The following GALNT2 variants were observed in gnomAD, a reference collection of about 807,000 sequenced individuals.
GALNT2 encodes UDP-GalNAc:polypeptide N-acetylgalactosaminyltransferase 2.
In GALNT2, 31 loss-of-function variants were observed where a neutral mutation model predicts 81.4. That is an observed-to-expected ratio of 0.38 (90% CI 0.29 to 0.51). GALNT2 has a LOEUF of 0.51. Among genes scored for constraint, GALNT2 ranks in the 20% least tolerant of loss-of-function variants. The pLI, the probability that GALNT2 is intolerant of heterozygous loss-of-function variation, is 0.87. For missense variants in GALNT2, 629 were observed against 765.7 expected (o/e 0.82, Z 2.11); for synonymous variants, 303 against 287.4 (o/e 1.05, Z -0.55).
At chr1:230,079,507 C>T (rs117628680) in intron 1 of GALNT2, among the ~76,000 whole-genome samples, 2 of 152,248 alleles carry the variant, frequency 1.3e-5, no homozygotes, top group Admixed American at 6.5e-5. Flanking sequence ...GCCTAAAGTA[C>T]GGCTCTGGAG....
intron 1 of GALNT2, among the ~76,000 whole-genome samples, chr1:230,149,466 C>G (rs998192353): frequency 1.3e-5 from 2 of 152,090 alleles, no homozygotes; most frequent in African/African-American, 4.8e-5. Flanking sequence ...TTAGGTCTGG[C>G]GTTGAGGGCA....
chr1:230,273,698 T>G (rs534966251), intron 14 of GALNT2, among the ~76,000 whole-genome samples: 9 of 152,308 alleles, frequency 5.9e-5, no homozygotes, highest in Admixed American at 2.6e-4. Context: ...TGTGTTTGTT[T>G]GTTAACATCA....
At chr1:230,169,710 C>T (rs775939855) in intron 1 of GALNT2, among the ~76,000 whole-genome samples, 8 of 152,186 alleles carry the variant, frequency 5.3e-5, no homozygotes, top group Non-Finnish European at 1.0e-4. Flanking sequence ...TGTTGAGCAG[C>T]CCCACGTTAT....
At chr1:230,237,105 G>A (rs1328269068) in intron 6 of GALNT2, among the ~76,000 whole-genome samples, 1 of 152,234 alleles carries the variant, frequency 6.6e-6, no homozygotes. Context: ...CGGGATTCAA[G>A]TTTGACAGCC....
At chr1:230,235,879 G>A in intron 3 of GALNT2, 135 bp from the exon 4 acceptor site, 1 of 718,738 alleles carries the variant, frequency 1.4e-6, no homozygotes, top group Non-Finnish European at 2.4e-6. Flanking sequence ...GAACAGGCCA[G>A]GAACTTCTGC....
chr1:230,102,823 G>A (rs1464379640), intron 1 of GALNT2, among the ~76,000 whole-genome samples: 3 of 152,184 alleles, frequency 2.0e-5, no homozygotes, highest in Non-Finnish European at 4.4e-5. Flanking sequence ...GGTTGAAGAT[G>A]TCCAGTAGTT....
intron 1 of GALNT2, among the ~76,000 whole-genome samples, chr1:230,099,037 G>T (rs1660328683): frequency 6.6e-6 from 1 of 152,186 alleles, no homozygotes; most frequent in Admixed American, 6.5e-5. Context: ...GAGAGGATGA[G>T]ATCAGAGTTC....
chr1:230,184,788 G>C (rs1663269118), intron 2 of GALNT2, among the ~76,000 whole-genome samples: 1 of 151,814 alleles, frequency 6.6e-6, no homozygotes, highest in Non-Finnish European at 1.5e-5. Context: ...CATTAATTTG[G>C]GGAAATTCTT....
intron 1 of GALNT2, among the ~76,000 whole-genome samples, chr1:230,073,914 G>A (rs1359379653): frequency 6.6e-6 from 1 of 152,146 alleles, no homozygotes; most frequent in East Asian, 1.9e-4. Context: ...TCCTGCCCAT[G>A]GCTGGCAGTT....
At chr1:230,256,540 C>T (rs1347905950) in intron 11 of GALNT2, among the ~76,000 whole-genome samples, 1 of 151,800 alleles carries the variant, frequency 6.6e-6, no homozygotes, top group Non-Finnish European at 1.5e-5. Flanking sequence ...CAAACCATAG[C>T]AAATATTAAA....
At position 230,236,354 on chromosome 1, in the gene GALNT2, G is replaced by T. The variant is rs1291335161; in HGVS notation, c.475G>T (p.Val159Leu). Residue 159 changes from valine (V) to leucine (L), a missense_variant and splice_region_variant, in exon 5 of 16, where the codon GTG (valine) becomes TTG (leucine). Transcript: ENST00000366672. The part of the protein sequence containing the change: ...RSALLRTVVS[V>L]LKKSPPHLIK... ...CTTTATCTTCTTGTCTTTTCTTAGC[G>T]TGCTTAAGAAAAGCCCGCCCCATCT... 1.9e-6 allele frequency: 3 copies of T among 1,613,590 alleles called. No homozygotes were observed. The highest frequency in any genetic ancestry group is 1.1e-5 in the South Asian group (1 of 91,038).
intron 1 of GALNT2, among the ~76,000 whole-genome samples, chr1:230,161,241 A>G (rs531322538): frequency 5.3e-5 from 8 of 152,300 alleles, no homozygotes; most frequent in Non-Finnish European, 8.8e-5. Flanking sequence ...CACGTGTCCT[A>G]TAGTATTTGC....
chr1:230,075,397 A>G (rs1157429227), intron 1 of GALNT2, among the ~76,000 whole-genome samples: 2 of 152,158 alleles, frequency 1.3e-5, no homozygotes, highest in Admixed American at 6.5e-5. Context: ...CTGGGATTAC[A>G]GGCGTGAGCC....
intron 2 of GALNT2, among the ~76,000 whole-genome samples, chr1:230,191,386 G>T (rs1050174304): frequency 1.2e-4 from 19 of 152,208 alleles, no homozygotes; most frequent in African/African-American, 4.3e-4. Flanking sequence ...GGCTTCCAAG[G>T]GGAAGTGGGA....
intron 1 of GALNT2, among the ~76,000 whole-genome samples, chr1:230,087,028 G>C (rs1659920082): frequency 6.6e-6 from 1 of 152,216 alleles, no homozygotes; most frequent in Non-Finnish European, 1.5e-5. Flanking sequence ...ACCCACACCA[G>C]GCACGTAGGG....
chr1:230,249,872 T>C (rs552598080), intron 9 of GALNT2, among the ~76,000 whole-genome samples: 1 of 152,366 alleles, frequency 6.6e-6, no homozygotes, highest in South Asian at 2.1e-4. Flanking sequence ...GCCATAGACC[T>C]TCCCAGCACT....
intron 1 of GALNT2, among the ~76,000 whole-genome samples, chr1:230,102,046 G>A (rs527854169): frequency 2.6e-5 from 4 of 152,220 alleles, no homozygotes; most frequent in Non-Finnish European, 5.9e-5. Context: ...TTCTTGGGGA[G>A]CCTTCTGCAT....
intron 11 of GALNT2, among the ~76,000 whole-genome samples, chr1:230,261,410 T>G (rs912172937): frequency 6.6e-6 from 1 of 152,198 alleles, no homozygotes; most frequent in Non-Finnish European, 1.5e-5. Flanking sequence ...GAGCATTACC[T>G]CCTTACTGTA....
intron 11 of GALNT2, among the ~76,000 whole-genome samples, chr1:230,256,651 G>A (rs1558164660): frequency 6.6e-6 from 1 of 152,116 alleles, no homozygotes; most frequent in Non-Finnish European, 1.5e-5. Flanking sequence ...AGATGCCAAC[G>A]GAAGGGCTTT....
Sources: allele counts gnomAD v4.1 joint callset (sites outside exome capture counted in the v4.1 genomes callset), GRCh38; gene constraint gnomAD v4.1.1; transcripts MANE v1.5; gene names NCBI Gene and HGNC (gene_info 2026-07-23, HGNC 2026-07-21).